The following SYT1 variants were observed in gnomAD, a reference collection of about 807,000 sequenced individuals.
SYT1 encodes the protein synaptotagmin-1.
Under a neutral mutation model 44.8 loss-of-function variants are expected in SYT1, and 8 were observed. That is an observed-to-expected ratio of 0.18 (90% CI 0.10 to 0.32). The LOEUF is 0.32. SYT1 is among the 10% of genes least tolerant of loss of function. The probability of loss-of-function intolerance (pLI) is 1.00; values close to 1 mark genes in which losing one functional copy is unlikely to be tolerated. For synonymous variants in SYT1, 154 were observed against 188.8 expected (o/e 0.82, Z 1.51); for missense variants, 286 against 509.3 (o/e 0.56, Z 4.22).
chr12:79,370,646 C>T (rs1202691795), intron 9 of SYT1, among the ~76,000 whole-genome samples: 1 of 152,008 alleles, frequency 6.6e-6, no homozygotes, highest in Non-Finnish European at 1.5e-5. Context: ...GCCTGTAGTC[C>T]CAGCTACTCA....
At chr12:79,118,053 C>A (rs1036664068) in intron 3 of SYT1, among the ~76,000 whole-genome samples, 2 of 152,094 alleles carry the variant, frequency 1.3e-5, no homozygotes, top group South Asian at 2.1e-4. Flanking sequence ...GTCCTTTTGA[C>A]CTCCCTGCTC....
At chr12:79,339,812 T>G (rs376401807) in intron 8 of SYT1, among the ~76,000 whole-genome samples, 1 of 152,228 alleles carries the variant, frequency 6.6e-6, no homozygotes, top group Non-Finnish European at 1.5e-5. Context: ...GGTCTAACAT[T>G]TAAGTCTTTA....
rs1306321992 is a variant in SYT1, at chr12:79,177,064, AC to A, written c.-17-40438del. ...TTTTTTTTATGTTTTTTTTTATTAT[AC>A]TCTAAGTTTTAGGGTACATGTGCAC... On this transcript the variant is annotated intron_variant, in intron 3 of 10. Transcript: ENST00000261205. 2.5e-5 allele frequency among the ~76,000 whole-genome samples: 3 copies of A among 119,186 alleles called. No individual in the cohort carries two copies. In the South Asian group the frequency reaches 7.8e-4, roughly 31 times the overall value. The allele number at this position is 119,186 out of a possible 152,430, so 78.2% of individuals were successfully genotyped here. A position where few individuals can be genotyped will look rare whatever the true frequency, so the allele number is the denominator to read the frequency against.
chr12:78,910,641 A>G (rs1876262111), intron 1 of SYT1, among the ~76,000 whole-genome samples: 1 of 152,042 alleles, frequency 6.6e-6, no homozygotes, highest in Non-Finnish European at 1.5e-5. Context: ...TGCCTTCATG[A>G]AAATTGCAGT....
At chr12:79,053,812 G>A (rs1874723729) in intron 3 of SYT1, among the ~76,000 whole-genome samples, 1 of 151,716 alleles carries the variant, frequency 6.6e-6, no homozygotes, top group African/African-American at 2.4e-5. Flanking sequence ...ATTTTATGAA[G>A]GCATGTTTCT....
chr12:79,409,570 G>T (rs952743185), intron 9 of SYT1, among the ~76,000 whole-genome samples: 2 of 152,092 alleles, frequency 1.3e-5, no homozygotes, highest in African/African-American at 4.8e-5. Context: ...TGGCCTAGAG[G>T]TAGAGAAATT....
chr12:79,207,358 T>A (rs1874185113), intron 3 of SYT1, among the ~76,000 whole-genome samples: 1 of 152,220 alleles, frequency 6.6e-6, no homozygotes, highest in Admixed American at 6.5e-5. Flanking sequence ...ACAAAGTTTT[T>A]TGTTTGTTTT....
At chr12:79,224,170 A>G (rs969080574) in intron 4 of SYT1, among the ~76,000 whole-genome samples, 3 of 152,182 alleles carry the variant, frequency 2.0e-5, no homozygotes, top group Non-Finnish European at 4.4e-5. Context: ...GCCTCAGTCC[A>G]GTTGCATATA....
intron 3 of SYT1, among the ~76,000 whole-genome samples, chr12:79,096,242 C>T (rs191699549): frequency 3.3e-5 from 5 of 152,086 alleles, no homozygotes; most frequent in African/African-American, 1.2e-4. Context: ...GAAAAAGCCT[C>T]TCCCTGCAAC....
chr12:79,057,639 AT>A (rs921327928), intron 3 of SYT1, among the ~76,000 whole-genome samples: 7 of 151,788 alleles, frequency 4.6e-5, no homozygotes, highest in South Asian at 2.1e-4. Context: ...GTACTTTAAA[AT>A]TTTTTTTCTA....
chr12:79,172,604 G>A (rs1871597488), intron 3 of SYT1, among the ~76,000 whole-genome samples: 1 of 151,614 alleles, frequency 6.6e-6, no homozygotes, highest in Non-Finnish European at 1.5e-5. Context: ...GTTATGTGGG[G>A]CAATCTAATA....
At chr12:79,242,204 C>G (rs909931406) in intron 4 of SYT1, among the ~76,000 whole-genome samples, 1 of 152,204 alleles carries the variant, frequency 6.6e-6, no homozygotes, top group African/African-American at 2.4e-5. Context: ...TGTGGATCAC[C>G]TGGGTCCTTG....
chr12:79,322,826 TA>T (rs1224566157), intron 8 of SYT1, among the ~76,000 whole-genome samples: 1 of 151,962 alleles, frequency 6.6e-6, no homozygotes, highest in Non-Finnish European at 1.5e-5. Flanking sequence ...AAAATCCAAA[TA>T]AAAAGAAAGA....
At chr12:78,925,225 A>G (rs1320361826) in intron 1 of SYT1, among the ~76,000 whole-genome samples, 1 of 151,916 alleles carries the variant, frequency 6.6e-6, no homozygotes, top group East Asian at 1.9e-4. Context: ...CTAATTTAGC[A>G]AAACTTAGTT....
intron 4 of SYT1, among the ~76,000 whole-genome samples, chr12:79,227,812 C>T (rs751651605): frequency 2.6e-5 from 4 of 152,094 alleles, no homozygotes; most frequent in Non-Finnish European, 5.9e-5. Context: ...ACTGAATAAG[C>T]GCTCTATAAA....
chr12:78,937,704 C>T (rs937215849), intron 1 of SYT1, among the ~76,000 whole-genome samples: 16 of 152,056 alleles, frequency 1.1e-4, no homozygotes, highest in African/African-American at 3.9e-4. Flanking sequence ...GTAATAATTA[C>T]AAATTACTTT....
chr12:79,016,332 C>A (rs1036523259), intron 2 of SYT1, among the ~76,000 whole-genome samples: 2 of 152,096 alleles, frequency 1.3e-5, no homozygotes. Flanking sequence ...AGAATTAAGG[C>A]TGTGTCTAGT....
intron 1 of SYT1, among the ~76,000 whole-genome samples, chr12:78,876,800 A>G (rs1362906370): frequency 2.6e-5 from 1 of 38,828 alleles, no homozygotes; most frequent in Non-Finnish European, 4.7e-5. Flanking sequence ...CATATAATAT[A>G]TTATATGTAA....
intron 1 of SYT1, chr12:78,868,567 G>A (rs1336098990): frequency 6.6e-6 from 1 of 151,718 alleles, no homozygotes; most frequent in Non-Finnish European, 1.5e-5. Flanking sequence ...AGAATTTAAG[G>A]ATATGTGTGT....
Sources: gnomAD v4.1 joint callset for allele counts (sites outside exome capture counted in the v4.1 genomes callset) on GRCh38, gnomAD v4.1.1 for gene constraint, MANE v1.5 for transcripts, NCBI Gene and HGNC (gene_info 2026-07-23, HGNC 2026-07-21) for gene names.